The following CYP2J2 variants were observed in gnomAD, a reference collection of about 807,000 sequenced individuals.
CYP2J2 encodes the protein cytochrome P450 2J2.
A neutral mutation model predicts 48.8 loss-of-function variants in CYP2J2; 41 were observed. The observed-to-expected ratio is 0.84, with a 90% CI of 0.66 to 1.09. CYP2J2 has a LOEUF of 1.09. Among genes scored for constraint, CYP2J2 ranks in the 50% least tolerant of loss-of-function variants. The pLI is 0.00. For synonymous variants in CYP2J2, 221 were observed against 227.1 expected (o/e 0.97, Z 0.24); for missense variants, 644 against 617.3 (o/e 1.04, Z -0.46).
intron 1 of CYP2J2, 24 bp from the exon 2 acceptor site, chr1:59,916,124 A>T: frequency 1.3e-6 from 2 of 1,596,392 alleles, no homozygotes; most frequent in South Asian, 2.2e-5. Context: ...AAATCGTAAC[A>T]GTTGAATATG....
chr1:59,968,733 G>A, the CYP2J2 span, among the ~76,000 whole-genome samples: 1 of 152,240 alleles, frequency 6.6e-6, no homozygotes, highest in East Asian at 1.9e-4. Flanking sequence ...AGGTCACTGA[G>A]ACAGCAATTC....
At chr1:59,952,827 G>T in the CYP2J2 span, among the ~76,000 whole-genome samples, 4 of 152,154 alleles carry the variant, frequency 2.6e-5, no homozygotes, top group African/African-American at 7.2e-5. Context: ...AGCCAGCAAG[G>T]CATGGTCCCT....
intron 8 of CYP2J2, among the ~76,000 whole-genome samples, chr1:59,895,178 A>C (rs1335647769): frequency 1.1e-4 from 16 of 152,366 alleles, no homozygotes; most frequent in African/African-American, 3.8e-4. Flanking sequence ...GTTGTCCCAA[A>C]GTCCTTCATT....
chr1:59,911,401 T>C (rs1323924856), intron 4 of CYP2J2, among the ~76,000 whole-genome samples: 2 of 152,204 alleles, frequency 1.3e-5, no homozygotes, highest in East Asian at 3.8e-4. Context: ...ACATGCATGT[T>C]AGAAATGGTT....
chr1:59,912,129 C>T (rs370625330), intron 3 of CYP2J2, 33 bp downstream of exon 3: 63 of 1,589,366 alleles, frequency 4.0e-5, no homozygotes, highest in Non-Finnish European at 5.0e-5. Flanking sequence ...AAATGGGCCA[C>T]AGTCTCTCAC....
At chr1:59,953,015 ATAAG>A in the CYP2J2 span, among the ~76,000 whole-genome samples, 6 of 152,356 alleles carry the variant, frequency 3.9e-5, no homozygotes, top group South Asian at 2.1e-4. Flanking sequence ...AGTCAGAGAA[ATAAG>A]TAAGACCATA....
intron 3 of CYP2J2, 57 bp from the exon 4 acceptor site, chr1:59,911,825 A>G: frequency 2.6e-6 from 4 of 1,541,830 alleles, no homozygotes; most frequent in Non-Finnish European, 3.5e-6. Flanking sequence ...TCCATTTCCT[A>G]CTGAGAGTCT....
the CYP2J2 span, among the ~76,000 whole-genome samples, chr1:59,937,983 T>A: frequency 6.6e-6 from 1 of 152,202 alleles, no homozygotes. Flanking sequence ...CTCTGCGTTA[T>A]CTTGACTTTC....
chr1:59,930,556 T>C (rs1644598039), upstream of CYP2J2, among the ~76,000 whole-genome samples: 1 of 152,138 alleles, frequency 6.6e-6, no homozygotes, highest in Non-Finnish European at 1.5e-5. Flanking sequence ...TTTGGAAAAA[T>C]GTGTATTCAG....
the CYP2J2 span, among the ~76,000 whole-genome samples, chr1:59,955,255 TATATATATCCATATATATATATCC>T: frequency 1.3e-3 from 34 of 26,246 alleles, no homozygotes; most frequent in African/African-American, 3.5e-3. Context: ...TATATATCCA[TATATATATCCATATATATATATCC>T]ATATATATAT....
upstream of CYP2J2, among the ~76,000 whole-genome samples, chr1:59,930,351 C>T (rs992515985): frequency 5.3e-5 from 8 of 152,022 alleles, no homozygotes; most frequent in Non-Finnish European, 1.2e-4. Flanking sequence ...GTGATTACAC[C>T]ATTTTGCATT....
chr1:59,917,496 G>A (rs146028162), intron 1 of CYP2J2, among the ~76,000 whole-genome samples: 149 of 152,352 alleles, frequency 9.8e-4, no homozygotes, highest in African/African-American at 3.4e-3. Flanking sequence ...GAGTGGTGCA[G>A]GGAATTTCCC....
chr1:59,905,625 C>T (rs141982715), intron 6 of CYP2J2, among the ~76,000 whole-genome samples: 1,821 of 152,314 alleles, frequency 0.012, 39 homozygotes, highest in African/African-American at 0.042. Context: ...CATCAGGTTG[C>T]AAACTCTTGC....
intron 4 of CYP2J2, among the ~76,000 whole-genome samples, chr1:59,910,373 A>G (rs1644402241): frequency 6.6e-6 from 1 of 152,234 alleles, no homozygotes; most frequent in African/African-American, 2.4e-5. Context: ...AATTTGCTCC[A>G]AAATAATTCA....
At chr1:59,963,664 G>A in the CYP2J2 span, among the ~76,000 whole-genome samples, 1 of 152,104 alleles carries the variant, frequency 6.6e-6, no homozygotes, top group African/African-American at 2.4e-5. Flanking sequence ...ACAGGTATCT[G>A]TTCAACCCGT....
At chr1:59,936,461 T>G in the CYP2J2 span, among the ~76,000 whole-genome samples, 2 of 152,082 alleles carry the variant, frequency 1.3e-5, no homozygotes, top group African/African-American at 4.8e-5. Context: ...GAATCATCAA[T>G]TATTTTGAAC....
intron 8 of CYP2J2, among the ~76,000 whole-genome samples, chr1:59,898,711 C>T (rs1015487911): frequency 4.6e-5 from 7 of 152,098 alleles, no homozygotes; most frequent in African/African-American, 1.7e-4. Flanking sequence ...TCTGCAAATT[C>T]CTTGAGCATA....
chr1:59,958,338 AAATTTTC>A, the CYP2J2 span, among the ~76,000 whole-genome samples: 1 of 152,148 alleles, frequency 6.6e-6, no homozygotes, highest in Non-Finnish European at 1.5e-5. Context: ...ATTATCAACA[AAATTTTC>A]CATATCCTTA....
intron 1 of CYP2J2, among the ~76,000 whole-genome samples, chr1:59,917,145 T>C (rs528718347): frequency 9.2e-5 from 14 of 152,178 alleles, no homozygotes; most frequent in African/African-American, 3.4e-4. Context: ...AGGGAGAAAA[T>C]TATTCCTCTC....
Sources: gnomAD v4.1 joint callset for allele counts (sites outside exome capture counted in the v4.1 genomes callset) on GRCh38, gnomAD v4.1.1 for gene constraint, MANE v1.5 for transcripts, NCBI Gene and HGNC (gene_info 2026-07-23, HGNC 2026-07-21) for gene names.